The following KIR3DL2 variants were observed in gnomAD, a reference collection of about 807,000 sequenced individuals.
The protein encoded by KIR3DL2 is killer cell immunoglobulin-like receptor 3DL2.
A neutral mutation model predicts 41.6 loss-of-function variants in KIR3DL2; 42 were observed. That is an observed-to-expected ratio of 1.01 (90% CI 0.79 to 1.31). The LOEUF (loss-of-function observed/expected upper bound fraction) is 1.31, where lower values mean the gene tolerates loss of function less well. Ranked by LOEUF, KIR3DL2 falls within the 50% of genes most tolerant of loss-of-function variation. The pLI is 0.00. For synonymous variants in KIR3DL2, 230 were observed against 221.3 expected, an observed-to-expected ratio of 1.04 and a Z score of -0.35; for missense variants, 728 against 576.8, an observed-to-expected ratio of 1.26 and a Z score of -2.68.
chr19:54,851,672 A>AT (rs1162304533), intron 2 of KIR3DL2, among the ~76,000 whole-genome samples: 3 of 151,552 alleles, frequency 2.0e-5, no homozygotes, highest in South Asian at 2.1e-4. Flanking sequence ...AAATCCTCTG[A>AT]GGGGGCTCAG....
chr19:54,855,140 TAGAG>T (rs1191637592), intron 4 of KIR3DL2, among the ~76,000 whole-genome samples: 24 of 149,338 alleles, frequency 1.6e-4, no homozygotes, highest in South Asian at 2.1e-4. Flanking sequence ...AGAGAGGTAA[TAGAG>T]AGAGAGAGAG....
chr19:54,851,196 G>A (rs761603288), intron 1 of KIR3DL2, 24 bp from the exon 2 acceptor site: 22 of 1,609,798 alleles, frequency 1.4e-5, no homozygotes, highest in Middle Eastern at 1.7e-4. Flanking sequence ...CAGTTGGATC[G>A]TCTATCATGA....
At chr19:54,856,495 A>G (rs943561714) in intron 5 of KIR3DL2, among the ~76,000 whole-genome samples, 74 of 151,760 alleles carry the variant, frequency 4.9e-4, no homozygotes, top group South Asian at 2.7e-3. Flanking sequence ...AGCCTGGCCA[A>G]CATGCGGGAA....
At chr19:54,856,786 C>G (rs1259443620) in intron 5 of KIR3DL2, among the ~76,000 whole-genome samples, 1 of 151,874 alleles carries the variant, frequency 6.6e-6, no homozygotes, top group African/African-American at 2.4e-5. Flanking sequence ...ATGAGATCCA[C>G]CTTTTATCTC....
chr19:54,862,543 C>T (rs1249558311), intron 6 of KIR3DL2, among the ~76,000 whole-genome samples: 1 of 152,036 alleles, frequency 6.6e-6, no homozygotes, highest in Non-Finnish European at 1.5e-5. Flanking sequence ...GCCAGTCCCT[C>T]AAGGCTCAGA....
intron 5 of KIR3DL2, 98 bp downstream of exon 5, chr19:54,856,010 G>A: frequency 1.4e-6 from 2 of 1,445,004 alleles, no homozygotes; most frequent in Non-Finnish European, 1.9e-6. Flanking sequence ...CAGATGCAGA[G>A]AGAACACGAA....
At position 54,852,292 on chromosome 19, in the gene KIR3DL2, T is replaced by C. The variant is rs1376921457; in HGVS notation, c.355+10T>C. On this transcript the variant is annotated intron_variant, in intron 3 of 8. Transcript: ENST00000326321. ...GTGATCATGGTCACAGGTCAGAGGC[T>C]TTCTGTCTGGGCTTCTCACTGTCCC... is the stretch of plus-strand genomic sequence containing the variant. The C allele has an allele frequency of 6.2e-7, 1 of 1,603,372 alleles. No individual in the cohort carries two copies. Among genetic ancestry groups the C allele is most frequent in the Non-Finnish European group, 8.5e-7 (1 of 1,176,186 alleles).
chr19:54,867,098 C>A lies in KIR3DL2; in HGVS notation c.*367C>A. 1 of 276,634 alleles carries A rather than the reference C, an allele frequency of 3.6e-6. No homozygotes were observed. Among genetic ancestry groups the A allele is most frequent in the Non-Finnish European group, 6.7e-6 (1 of 149,120 alleles). The allele number at this position is 276,634 out of a possible 1,614,324, so 17.1% of individuals were successfully genotyped here. A position where few individuals can be genotyped will look rare whatever the true frequency, so the allele number is the denominator to read the frequency against. On this transcript the variant is annotated 3_prime_UTR_variant, in exon 9 of 9. Transcript: ENST00000326321. ...CTGTTCCACCTTCCCTCATGCTGTT[C>A]CACCTCCCCTCAGACTATCTTTCAG... is the stretch of plus-strand genomic sequence containing the variant.
chr19:54,866,619 A>G lies in KIR3DL2; in HGVS notation c.1256A>G (p.Lys419Arg), dbSNP rs369953892. ...ATCAGTCGCCCTTCTCAGAGGCCCA[A>G]GACACCCCTAACAGATACCAGCGTG... ...RKISRPSQRP[K>R]TPLTDTSVYT... Residue 419 changes from lysine to arginine, a missense_variant, in exon 9 of 9, where the codon AAG (lysine) becomes AGG (arginine). Transcript: ENST00000326321. The G allele has an allele frequency of 1.9e-6, 3 of 1,613,908 alleles. No homozygotes were observed. Among genetic ancestry groups the G allele is most frequent in the East Asian group, 4.5e-5 (2 of 44,886 alleles).
intron 6 of KIR3DL2, among the ~76,000 whole-genome samples, chr19:54,862,944 T>C (rs1293474188): frequency 6.7e-6 from 1 of 148,738 alleles, no homozygotes; most frequent in Non-Finnish European, 1.5e-5. Context: ...CATGCTGGTG[T>C]GCTGCACCCA....
At chr19:54,860,335 A>G (rs1361014148) in intron 6 of KIR3DL2, among the ~76,000 whole-genome samples, 1 of 151,954 alleles carries the variant, frequency 6.6e-6, no homozygotes, top group Non-Finnish European at 1.5e-5. Flanking sequence ...TGATCTATTG[A>G]GAAGCATCTG....
intron 5 of KIR3DL2, among the ~76,000 whole-genome samples, chr19:54,858,388 T>A (rs1174378084): frequency 1.3e-5 from 2 of 150,086 alleles, no homozygotes; most frequent in Non-Finnish European, 3.0e-5. Context: ...CACCATTTAT[T>A]GAAGACTGTC....
intron 1 of KIR3DL2, among the ~76,000 whole-genome samples, 168 bp from the exon 2 acceptor site, chr19:54,851,052 G>A (rs1318711805): frequency 6.7e-6 from 1 of 150,118 alleles, no homozygotes; most frequent in African/African-American, 2.5e-5. Context: ...CCTGGAGCCT[G>A]GGTCTCTCCA....
chr19:54,858,272 A>T (rs1484136422), intron 5 of KIR3DL2, among the ~76,000 whole-genome samples: 1 of 150,832 alleles, frequency 6.6e-6, no homozygotes, highest in African/African-American at 2.5e-5. Context: ...TCATAGGTTC[A>T]GGCCTTAGAC....
chr19:54,855,301 A>G (rs2064655816), intron 4 of KIR3DL2, among the ~76,000 whole-genome samples: 1 of 151,704 alleles, frequency 6.6e-6, no homozygotes, highest in Non-Finnish European at 1.5e-5. Context: ...AATATGCAGA[A>G]AGTTATGAAC....
rs2145640310 is a variant in KIR3DL2 at position 54,857,244 on chromosome 19, C to T, written c.949+1332C>T. ...AGCTGTGATTACAGGTGCACGCCAC[C>T]ATGCCTGACTAATTCTTGTATTTTT... On this transcript the variant is annotated intron_variant, in intron 5 of 8. Coordinates refer to ENST00000326321, the MANE Select transcript of KIR3DL2 (RefSeq NM_006737.4). Among the ~76,000 whole-genome samples the T allele has an allele frequency of 1.3e-5, 2 of 151,544 alleles. 1 individual carries two copies. The highest frequency in any genetic ancestry group is 4.9e-5 in the African/African-American group (2 of 41,016).
chr19:54,861,667 A>G (rs1371760192), intron 6 of KIR3DL2, among the ~76,000 whole-genome samples: 1 of 151,516 alleles, frequency 6.6e-6, no homozygotes, highest in Non-Finnish European at 1.5e-5. Context: ...AAAATAAAAA[A>G]TACATAAATA....
chr19:54,860,853 G>A (rs1400659712), intron 6 of KIR3DL2, among the ~76,000 whole-genome samples: 2 of 142,568 alleles, frequency 1.4e-5, no homozygotes, highest in Non-Finnish European at 3.1e-5. Context: ...AAAACAATCT[G>A]ATGTGGAAGG....
At chr19:54,854,141 G>A (rs780764304) in intron 4 of KIR3DL2, 95 bp downstream of exon 4, 50 of 1,423,334 alleles carry the variant, frequency 3.5e-5, no homozygotes, top group Admixed American at 1.2e-4. Context: ...GAAGATAAGC[G>A]TGGGATTCTT....
Sources: gnomAD v4.1 joint callset for allele counts (sites outside exome capture counted in the v4.1 genomes callset) on GRCh38, gnomAD v4.1.1 for gene constraint, MANE v1.5 for transcripts, NCBI Gene and HGNC (gene_info 2026-07-23, HGNC 2026-07-21) for gene names.